FBXW7: variants seen among roughly 807,000 people sequenced by gnomAD.
The protein encoded by FBXW7 is F-box and WD repeat domain containing 7, also known as F-box/WD repeat-containing protein 7.
A neutral mutation model predicts 86.3 loss-of-function variants in FBXW7; 11 were observed. That is an observed-to-expected ratio of 0.13 (90% CI 0.08 to 0.21). The LOEUF is 0.21. FBXW7 is among the 10% of genes least tolerant of loss of function. FBXW7 has a pLI of 1.00. For missense variants in FBXW7, 488 were observed against 847.4 expected (o/e 0.58, Z 5.27); for synonymous variants, 313 against 297.9 (o/e 1.05, Z -0.52).
At chr4:152,458,464 C>T (rs888201265) in intron 2 of FBXW7, among the ~76,000 whole-genome samples, 2 of 152,162 alleles carry the variant, frequency 1.3e-5, no homozygotes, top group African/African-American at 2.4e-5. Flanking sequence ...GTAGAAGATA[C>T]GCATCATCTC....
chr4:152,527,435 C>T (rs1749614387), intron 2 of FBXW7, among the ~76,000 whole-genome samples: 1 of 152,118 alleles, frequency 6.6e-6, no homozygotes, highest in South Asian at 2.1e-4. Flanking sequence ...CTCATTCACC[C>T]CCCTAAAAAG....
chr4:152,339,609 G>A (rs1431774524), intron 6 of FBXW7, among the ~76,000 whole-genome samples: 1 of 152,134 alleles, frequency 6.6e-6, no homozygotes, highest in Non-Finnish European at 1.5e-5. Flanking sequence ...ACAAGGACAT[G>A]CTCATTTGGA....
chr4:152,388,393 T>C (rs1735728185), intron 4 of FBXW7, among the ~76,000 whole-genome samples: 1 of 152,130 alleles, frequency 6.6e-6, no homozygotes, highest in African/African-American at 2.4e-5. Context: ...GCATTGCATG[T>C]ACATGCCTAT....
intron 2 of FBXW7, among the ~76,000 whole-genome samples, chr4:152,423,679 T>C (rs973469262): frequency 1.3e-5 from 2 of 152,220 alleles, no homozygotes; most frequent in African/African-American, 2.4e-5. Context: ...GCTAACAATA[T>C]AGACAAATTT....
intron 2 of FBXW7, among the ~76,000 whole-genome samples, chr4:152,491,451 G>A (rs946931382): frequency 4.6e-5 from 7 of 152,136 alleles, no homozygotes; most frequent in African/African-American, 1.7e-4. Context: ...TAAAAGCTAT[G>A]AAAGGACTTA....
rs1737969127 is a variant in FBXW7, at chr4:152,411,542, C to T, written c.262G>A (p.Asp88Asn). 1 of 1,613,976 alleles carries T rather than the reference C, an allele frequency of 6.2e-7. No homozygotes were observed. Among genetic ancestry groups the T allele is most frequent in the Non-Finnish European group, 8.5e-7 (1 of 1,179,950 alleles). Reference sequence around the variant, plus strand: ...TCTTGGTTTCCTGAGGAGTCCTCATCTACCGAAATAAATCTATTATTGTTT... The same window carrying T: ...TCTTGGTTTCCTGAGGAGTCCTCATTTACCGAAATAAATCTATTATTGTTT... ...EENNNRFISV[D>N]EDSSGNQEEQ... Residue 88 changes from aspartate to asparagine, a missense_variant, in exon 4 of 14, where the codon GAT (aspartate) becomes AAT (asparagine). By Grantham distance (23) the Asp-to-Asn change is conservative (BLOSUM62 1). Coordinates refer to ENST00000281708, the MANE Select transcript of FBXW7 (RefSeq NM_001349798.2).
intron 2 of FBXW7, among the ~76,000 whole-genome samples, chr4:152,453,293 T>G (rs1400154751): frequency 1.3e-5 from 2 of 152,236 alleles, no homozygotes; most frequent in African/African-American, 4.8e-5. Flanking sequence ...TAATTTCTTA[T>G]GTAGTAGCCC....
At chr4:152,417,522 A>G (rs1738547485) in intron 2 of FBXW7, among the ~76,000 whole-genome samples, 1 of 152,062 alleles carries the variant, frequency 6.6e-6, no homozygotes, top group Non-Finnish European at 1.5e-5. Context: ...GGCGGCGGGG[A>G]GGAACAGAGG....
chr4:152,378,878 C>T (rs1734798967), intron 4 of FBXW7, among the ~76,000 whole-genome samples: 1 of 151,976 alleles, frequency 6.6e-6, no homozygotes, highest in African/African-American at 2.4e-5. Flanking sequence ...CGGTGGCATG[C>T]ACCTGTAGTC....
intron 2 of FBXW7, among the ~76,000 whole-genome samples, chr4:152,503,815 CTGTATGATACACAT>C (rs1747169208): frequency 6.6e-6 from 1 of 152,126 alleles, no homozygotes; most frequent in Non-Finnish European, 1.5e-5. Context: ...CTTTATTCCA[CTGTATGATACACAT>C]TGAAAATATC....
intron 4 of FBXW7, among the ~76,000 whole-genome samples, chr4:152,389,341 G>C (rs1052341565): frequency 2.0e-5 from 3 of 151,982 alleles, no homozygotes; most frequent in African/African-American, 7.2e-5. Flanking sequence ...TTTAGTTGGT[G>C]ATTATAATAG....
intron 2 of FBXW7, among the ~76,000 whole-genome samples, chr4:152,428,954 C>T (rs1378024490): frequency 1.3e-5 from 2 of 152,124 alleles, no homozygotes; most frequent in Non-Finnish European, 1.5e-5. Context: ...CTTTGGGAGG[C>T]CAAGGCGGGT....
chr4:152,395,537 A>T (rs1258485555), intron 4 of FBXW7, among the ~76,000 whole-genome samples: 1 of 152,010 alleles, frequency 6.6e-6, no homozygotes, highest in African/African-American at 2.4e-5. Flanking sequence ...GAAGTTGGAT[A>T]CTCATTTCTT....
At chr4:152,406,244 A>T (rs763712078) in intron 4 of FBXW7, among the ~76,000 whole-genome samples, 1 of 152,216 alleles carries the variant, frequency 6.6e-6, no homozygotes, top group Non-Finnish European at 1.5e-5. Context: ...AAACAATTTT[A>T]AAATGGTCCA....
At chr4:152,495,818 A>G (rs972575699) in intron 2 of FBXW7, among the ~76,000 whole-genome samples, 4 of 152,320 alleles carry the variant, frequency 2.6e-5, no homozygotes, top group African/African-American at 7.2e-5. Context: ...AAGCAACAAA[A>G]ACCATCTTTA....
intron 7 of FBXW7, 103 bp downstream of exon 7, chr4:152,337,699 C>T (rs1730276822): frequency 8.2e-7 from 1 of 1,225,962 alleles, no homozygotes. Context: ...GTCAAACTGA[C>T]AATACCGAAT....
At chr4:152,366,854 T>C (rs535583666) in intron 4 of FBXW7, among the ~76,000 whole-genome samples, 1 of 152,156 alleles carries the variant, frequency 6.6e-6, no homozygotes, top group Admixed American at 6.6e-5. Context: ...CTATTCACAA[T>C]AGCAAAGACT....
chr4:152,372,309 T>C (rs1579023401), intron 4 of FBXW7, among the ~76,000 whole-genome samples: 1 of 151,910 alleles, frequency 6.6e-6, no homozygotes, highest in Non-Finnish European at 1.5e-5. Context: ...TTTTTATGAG[T>C]GGGTGACAGT....
intron 2 of FBXW7, among the ~76,000 whole-genome samples, chr4:152,526,158 A>G (rs1749492361): frequency 6.6e-6 from 1 of 152,062 alleles, no homozygotes; most frequent in South Asian, 2.1e-4. Flanking sequence ...TTCTCTTGTA[A>G]ATTTAAGTTC....
Sources: allele counts gnomAD v4.1 joint callset (sites outside exome capture counted in the v4.1 genomes callset), GRCh38; gene constraint gnomAD v4.1.1; transcripts MANE v1.5; gene names NCBI Gene and HGNC (gene_info 2026-07-23, HGNC 2026-07-21).